The following MBD5 variants were observed in gnomAD, a reference collection of about 807,000 sequenced individuals.
MBD5 encodes methyl-CpG-binding domain protein 5.
MBD5 carries 13 observed loss-of-function variants against 117.3 expected under a neutral mutation model. The observed-to-expected ratio is 0.11, with a 90% CI of 0.07 to 0.18. The LOEUF is 0.18. Ranked by LOEUF, MBD5 falls within the 10% of genes least tolerant of loss-of-function variation. MBD5 has a pLI of 1.00. For synonymous variants in MBD5, 727 were observed against 766.4 expected, an observed-to-expected ratio of 0.95 and a Z score of 0.85; for missense variants, 1,879 against 2,093.8, an observed-to-expected ratio of 0.90 and a Z score of 2.00.
At chr2:148,085,710 C>T (rs1239696603) in intron 1 of MBD5, among the ~76,000 whole-genome samples, 2 of 151,134 alleles carry the variant, frequency 1.3e-5, no homozygotes, top group African/African-American at 2.4e-5. Context: ...GGCGACATAG[C>T]GAGACTCCGT....
At chr2:148,039,372 A>G (rs1332426126) in intron 1 of MBD5, among the ~76,000 whole-genome samples, 1 of 152,154 alleles carries the variant, frequency 6.6e-6, no homozygotes. Flanking sequence ...ATACTTAAAA[A>G]ACCGAATATG....
intron 4 of MBD5, among the ~76,000 whole-genome samples, chr2:148,452,604 AG>A (rs1706762247): frequency 6.7e-6 from 1 of 149,326 alleles, no homozygotes; most frequent in Admixed American, 6.7e-5. Flanking sequence ...GAAAAAAAAA[AG>A]GTCTATTTCA....
At chr2:148,135,838 A>G (rs6727415) in intron 1 of MBD5, among the ~76,000 whole-genome samples, 66,444 of 152,018 alleles carry the variant, frequency 0.44, 14,688 homozygotes, top group South Asian at 0.51. Flanking sequence ...CACAAACACC[A>G]GATAGACCTC....
At chr2:148,194,743 T>TAA (rs2105920408) in intron 2 of MBD5, among the ~76,000 whole-genome samples, 1 of 68,214 alleles carries the variant, frequency 1.5e-5, no homozygotes, top group African/African-American at 4.6e-5. Context: ...ACATGTACCC[T>TAA]AAAACTTAGA....
At chr2:148,382,903 C>T (rs980422307) in intron 4 of MBD5, among the ~76,000 whole-genome samples, 3 of 151,182 alleles carry the variant, frequency 2.0e-5, no homozygotes, top group African/African-American at 4.9e-5. Context: ...TTCTTTGAAA[C>T]CAATGAGAAC....
chr2:148,077,264 C>T (rs1005523770), intron 1 of MBD5, among the ~76,000 whole-genome samples: 3 of 152,040 alleles, frequency 2.0e-5, no homozygotes, highest in Non-Finnish European at 2.9e-5. Flanking sequence ...AAATCTTTTC[C>T]TGTGTCTTTG....
chr2:148,158,722 T>C (rs1317636613), intron 1 of MBD5, among the ~76,000 whole-genome samples: 1 of 152,068 alleles, frequency 6.6e-6, no homozygotes. Context: ...TTTGTTTGTT[T>C]TATTTATTTA....
chr2:148,029,515 A>AT (rs1693981015), intron 1 of MBD5, among the ~76,000 whole-genome samples: 1 of 152,208 alleles, frequency 6.6e-6, no homozygotes, highest in Non-Finnish European at 1.5e-5. Context: ...ACAGATTCTA[A>AT]TTTAACATAT....
intron 3 of MBD5, among the ~76,000 whole-genome samples, chr2:148,305,749 C>A (rs759675079): frequency 2.6e-5 from 4 of 152,062 alleles, no homozygotes; most frequent in Non-Finnish European, 5.9e-5. Flanking sequence ...GATGCCAAAG[C>A]AGAAGGATGG....
chr2:148,201,810 A>T (rs1194374312), intron 2 of MBD5, among the ~76,000 whole-genome samples: 1 of 152,078 alleles, frequency 6.6e-6, no homozygotes, highest in Non-Finnish European at 1.5e-5. Context: ...ATGGGCTCAG[A>T]CTGGGGGAGT....
chr2:148,462,247 G>A (rs1037671463), intron 5 of MBD5, among the ~76,000 whole-genome samples: 3 of 152,130 alleles, frequency 2.0e-5, no homozygotes, highest in Non-Finnish European at 4.4e-5. Flanking sequence ...TTGCTTTTAT[G>A]TAGTTTTCTT....
At chr2:148,148,490 C>A (rs1697533373) in intron 1 of MBD5, among the ~76,000 whole-genome samples, 1 of 152,110 alleles carries the variant, frequency 6.6e-6, no homozygotes, top group Non-Finnish European at 1.5e-5. Context: ...TTTTAATTTC[C>A]AGAGTTCTGA....
chr2:148,105,966 AACTT>A (rs1200512614), intron 1 of MBD5, among the ~76,000 whole-genome samples: 2 of 152,170 alleles, frequency 1.3e-5, no homozygotes, highest in Non-Finnish European at 2.9e-5. Context: ...AATAAATTCT[AACTT>A]AATCTCATTA....
intron 3 of MBD5, among the ~76,000 whole-genome samples, chr2:148,328,771 C>T (rs1254617332): frequency 6.6e-6 from 1 of 152,190 alleles, no homozygotes; most frequent in Non-Finnish European, 1.5e-5. Flanking sequence ...AACCCAGTAC[C>T]TCAGATGGAA....
intron 2 of MBD5, among the ~76,000 whole-genome samples, chr2:148,230,254 C>A (rs1339667108): frequency 6.6e-6 from 1 of 152,164 alleles, no homozygotes; most frequent in Non-Finnish European, 1.5e-5. Context: ...TAAGCTGGCA[C>A]TGAACTCAAA....
intron 1 of MBD5, among the ~76,000 whole-genome samples, chr2:148,103,650 C>G (rs1696290749): frequency 6.6e-6 from 1 of 152,064 alleles, no homozygotes; most frequent in Non-Finnish European, 1.5e-5. Context: ...CTTTTCCATC[C>G]CATCATAGAT....
chr2:148,330,033 A>ACCCCC (rs56712549), intron 3 of MBD5, among the ~76,000 whole-genome samples: 5 of 17,690 alleles, frequency 2.8e-4, no homozygotes, highest in East Asian at 1.3e-3. Context: ...GTAGGTAAGA[A>ACCCCC]CCCCCCCCCG....
intron 4 of MBD5, among the ~76,000 whole-genome samples, chr2:148,377,441 T>C (rs1482035995): frequency 6.6e-6 from 1 of 152,160 alleles, no homozygotes; most frequent in Non-Finnish European, 1.5e-5. Context: ...CCAATCAAGT[T>C]GACACTCAGT....
At chr2:148,339,818 C>G (rs907655744) in intron 3 of MBD5, among the ~76,000 whole-genome samples, 2 of 152,108 alleles carry the variant, frequency 1.3e-5, no homozygotes, top group Admixed American at 1.3e-4. Flanking sequence ...TAGTGTTAAT[C>G]TATATAAACA....
Sources: gnomAD v4.1 joint callset for allele counts (sites outside exome capture counted in the v4.1 genomes callset) on GRCh38, gnomAD v4.1.1 for gene constraint, MANE v1.5 for transcripts, NCBI Gene and HGNC (gene_info 2026-07-23, HGNC 2026-07-21) for gene names.